ITIH6: variants seen among roughly 807,000 people sequenced by gnomAD.
ITIH6 encodes the protein inter-alpha-trypsin inhibitor heavy chain H6.
ITIH6 carries 60 observed loss-of-function variants against 58.2 expected under a neutral mutation model. The observed-to-expected ratio is 1.03, with a 90% CI of 0.84 to 1.28. The LOEUF (loss-of-function observed/expected upper bound fraction) is 1.28, where lower values mean the gene tolerates loss of function less well. Ranked by LOEUF, ITIH6 falls within the 50% of genes most tolerant of loss-of-function variation. The pLI is 0.00. For missense variants in ITIH6, 1,290 were observed against 1,021.1 expected (o/e 1.26, Z -3.59); for synonymous variants, 493 against 417.4 (o/e 1.18, Z -2.21).
intron 2 of ITIH6, among the ~76,000 whole-genome samples, chrX:54,795,491 G>A (rs1446486638): frequency 4.5e-5 from 5 of 111,660 alleles, no homozygotes; most frequent in African/African-American, 9.8e-5. Context: ...CCAAGGAGGT[G>A]CTCTAACATT....
chrX:54,766,161 A>C (rs929704880), intron 6 of ITIH6, among the ~76,000 whole-genome samples: 4 of 110,593 alleles, frequency 3.6e-5, no homozygotes, highest in East Asian at 2.9e-4. Flanking sequence ...GCAATTGTGA[A>C]TGGGAGTTCA....
At chrX:54,762,850 G>C (rs1057377234) in intron 6 of ITIH6, among the ~76,000 whole-genome samples, 1 of 112,187 alleles carries the variant, frequency 8.9e-6, no homozygotes, top group African/African-American at 3.2e-5. Flanking sequence ...GAGTGTGTAG[G>C]ATCTACTATT....
At chrX:54,787,109 T>A (rs1220506435) in intron 5 of ITIH6, 1 of 111,793 alleles carries the variant, frequency 8.9e-6, no homozygotes, top group Non-Finnish European at 1.9e-5. Context: ...TGCAGAGGCA[T>A]ACCTCCATGA....
rs1285022525 is a variant in ITIH6 at position 54,758,367 on chromosome X, A to G, written c.1707T>C (p.Ile569=). Reference sequence around the variant, plus strand: ...GGAAGTGTGCATCCAGCAGTTCTCCAATGGTGACATAGGCCCAGAGGCGGC... The same window carrying G: ...GGAAGTGTGCATCCAGCAGTTCTCCGATGGTGACATAGGCCCAGAGGCGGC... The part of the protein sequence containing the change: ...FIRRLWAYVT[I]GELLDAHFQA... The change falls in exon 8 of 13, where the codon ATT becomes ATC. Residue 569 remains isoleucine (I), a synonymous_variant. Coordinates refer to ENST00000218436, the MANE Select transcript of ITIH6 (RefSeq NM_198510.3). 1 of 1,210,455 alleles carries G rather than the reference A, an allele frequency of 8.3e-7. No homozygotes were observed. Among genetic ancestry groups the G allele is most frequent in the Non-Finnish European group, 1.1e-6 (1 of 895,254 alleles).
In ITIH6 at chrX:54,757,777, C is replaced by T; in HGVS notation, c.2297G>A (p.Gly766Asp). 5 of 1,211,402 alleles carry T rather than the reference C, an allele frequency of 4.1e-6. No individual in the cohort carries two copies. Among genetic ancestry groups the T allele is most frequent in the Non-Finnish European group, 5.6e-6 (5 of 895,290 alleles). The change falls in exon 8 of 13, where the codon GGC (glycine) becomes GAC (aspartate). Residue 766 changes from glycine (G) to aspartate (D), a missense_variant. Coordinates refer to ENST00000218436, the MANE Select transcript of ITIH6 (RefSeq NM_198510.3). ...SRTQVPPVKP[G>D]IPASPKADTV... ...GTCAGCTTTGGGCGAGGCTGGGATG[C>T]CAGGTTTCACAGGTGGGACTTGTGT...
intron 6 of ITIH6, among the ~76,000 whole-genome samples, chrX:54,766,006 G>A (rs1928776465): frequency 9.0e-6 from 1 of 111,233 alleles, no homozygotes; most frequent in Admixed American, 9.6e-5. Flanking sequence ...TCACGATATT[G>A]ATTCTTCCTA....
At chrX:54,795,440 G>A (rs925494080) in intron 2 of ITIH6, among the ~76,000 whole-genome samples, 1 of 111,515 alleles carries the variant, frequency 9.0e-6, no homozygotes, top group African/African-American at 3.3e-5. Flanking sequence ...CCTGATAGGT[G>A]TGCAAACACA....
intron 5 of ITIH6, among the ~76,000 whole-genome samples, chrX:54,786,595 C>T (rs963634375): frequency 9.0e-6 from 1 of 111,309 alleles, no homozygotes; most frequent in African/African-American, 3.3e-5. Context: ...GTGCGGCCCC[C>T]ACTTTGCCGG....
At chrX:54,774,329 G>A (rs1483439594) in intron 5 of ITIH6, 132 bp from the exon 6 acceptor site, 2 of 339,649 alleles carry the variant, frequency 5.9e-6, no homozygotes, top group African/African-American at 2.7e-5. Flanking sequence ...TTCTAAACAG[G>A]CATGTGTGTG....
In ITIH6 at chrX:54,757,977, C is replaced by A; in HGVS notation, c.2097G>T (p.Met699Ile). The stretch of plus-strand genomic sequence containing the variant: ...GAATTTTGGCCTTTGGGTATGTGGG[C>A]ATTGACAGGGTATGAGGGCTCTCTC... ...PLGESPHTLS[M>I]PTYPKAKIPA... Residue 699 changes from methionine (M) to isoleucine (I), a missense_variant, in exon 8 of 13, where the codon ATG becomes ATT. Coordinates refer to ENST00000218436, the MANE Select transcript of ITIH6 (RefSeq NM_198510.3). 2 of 1,211,742 alleles carry A rather than the reference C, an allele frequency of 1.7e-6. No homozygotes were observed. The highest frequency in any genetic ancestry group is 2.2e-6 in the Non-Finnish European group (2 of 895,522).
Position 54,751,088 on chromosome X carries a change from C to A in ITIH6, c.3645G>T (p.Arg1215Ser). ...LEFLVLRHRY[R>S]HPSTLQLPHL... ...GGGGTAGTTGCAGGGTACTGGGATG[C>A]CTGTAGCGGTGTCGGAGGACTAGGA... The change falls in exon 12 of 13, where the codon AGG becomes AGT. Residue 1215 changes from arginine to serine, a missense_variant. By Grantham distance (110) the Arg-to-Ser change is moderately radical. Transcript: ENST00000218436. 1 of 1,203,551 alleles carries A rather than the reference C, an allele frequency of 8.3e-7. No individual in the cohort carries two copies. Among genetic ancestry groups the A allele is most frequent in the Non-Finnish European group, 1.1e-6 (1 of 891,498 alleles).
chrX:54,797,060 C>A lies in ITIH6; in HGVS notation c.139G>T (p.Val47Leu). 8.3e-7 allele frequency: 1 copy of A among 1,210,382 alleles called. No homozygotes were observed. ...ACCAAGGTGTGGGCATAGCGAGACA[C>A]CACCGTGGAGCGCATAGAATAGCTT... ...MTSYSMRSTV[V>L]SRYAHTLVTS... Residue 47 changes from valine to leucine, a missense_variant, in exon 2 of 13, where the codon GTG becomes TTG. By Grantham distance (32) the Val-to-Leu change is conservative. Coordinates refer to ENST00000218436, the MANE Select transcript of ITIH6 (RefSeq NM_198510.3).
chrX:54,780,434 AG>A (rs1393916636), intron 5 of ITIH6, among the ~76,000 whole-genome samples: 1 of 112,465 alleles, frequency 8.9e-6, no homozygotes, highest in Non-Finnish European at 1.9e-5. Flanking sequence ...GGGTCAATGA[AG>A]AAATTCAGAA....
intron 8 of ITIH6, 54 bp from the exon 9 acceptor site, chrX:54,755,163 C>T: frequency 9.4e-7 from 1 of 1,062,103 alleles, no homozygotes; most frequent in Non-Finnish European, 1.3e-6. Context: ...GGCAAAGTCT[C>T]AAAATCTTTC....
chrX:54,778,033 G>A (rs1929083190), intron 5 of ITIH6, among the ~76,000 whole-genome samples: 1 of 111,731 alleles, frequency 9.0e-6, no homozygotes, highest in African/African-American at 3.3e-5. Flanking sequence ...CAAAATAGCT[G>A]TGTTGAGGAA....
rs747918226 is a variant in ITIH6 at position 54,757,815 on chromosome X, G to A, written c.2259C>T (p.Pro753=). ...SLSHQNPDIL[P]TNSRTQVPPV... is the part of the protein sequence containing the mutation. ...GTGGGACTTGTGTCCTGGAGTTCGT[G>A]GGTAATATATCAGGATTCTGGTGTG... The change falls in exon 8 of 13, where the codon CCC becomes CCT. Residue 753 remains proline, a synonymous_variant. Coordinates refer to ENST00000218436, the MANE Select transcript of ITIH6 (RefSeq NM_198510.3). The A allele has an allele frequency of 1.7e-6, 2 of 1,209,071 alleles. No individual in the cohort carries two copies. Among genetic ancestry groups the A allele is most frequent in the South Asian group, 3.5e-5 (2 of 56,740 alleles).
chrX:54,766,085 T>A (rs1309742855), intron 6 of ITIH6, among the ~76,000 whole-genome samples: 1 of 110,865 alleles, frequency 9.0e-6, no homozygotes, highest in Non-Finnish European at 1.9e-5. Context: ...TGGTTTGTAG[T>A]TCTCCTTGAA....
At chrX:54,776,489 C>T (rs1428046883) in intron 5 of ITIH6, among the ~76,000 whole-genome samples, 1 of 109,666 alleles carries the variant, frequency 9.1e-6, no homozygotes, top group Non-Finnish European at 1.9e-5. Flanking sequence ...TAGCATCACC[C>T]CTCCTCTAAC....
chrX:54,763,192 G>A (rs773524995), intron 6 of ITIH6, among the ~76,000 whole-genome samples: 19 of 111,859 alleles, frequency 1.7e-4, no homozygotes, highest in Non-Finnish European at 2.6e-4. Flanking sequence ...TAACTTAAAC[G>A]GATAGGAAAT....
Sources: gnomAD v4.1 joint callset for allele counts (sites outside exome capture counted in the v4.1 genomes callset) on GRCh38, gnomAD v4.1.1 for gene constraint, MANE v1.5 for transcripts, NCBI Gene and HGNC (gene_info 2026-07-23, HGNC 2026-07-21) for gene names.